Variants in COBLL1 observed in about 807,000 individuals in gnomAD.
The protein encoded by COBLL1 is cordon-bleu protein-like 1.
A neutral mutation model predicts 94.8 loss-of-function variants in COBLL1; 50 were observed. The observed-to-expected ratio is 0.53, with a 90% CI of 0.42 to 0.67. COBLL1 has a LOEUF of 0.67. Among genes scored for constraint, COBLL1 ranks in the 30% least tolerant of loss-of-function variants. The pLI is 0.00. For missense variants in COBLL1, 1,362 were observed against 1,348.7 expected, an observed-to-expected ratio of 1.01 and a Z score of -0.15; for synonymous variants, 448 against 473.8, an observed-to-expected ratio of 0.95 and a Z score of 0.71.
At chr2:164,702,575 A>AAAAAAAAAAAAAAT (rs1553469790) in intron 9 of COBLL1, among the ~76,000 whole-genome samples, 1 of 135,070 alleles carries the variant, frequency 7.4e-6, no homozygotes, top group Admixed American at 7.7e-5. Flanking sequence ...AAAAAAAAAA[A>AAAAAAAAAAAAAAT]AATAATAATA....
chr2:164,841,520 G>C lies in COBLL1; in HGVS notation c.-51+190C>G. Reference sequence around the variant, plus strand: ...ACTGGGTAGCCATTTGGCGCCTCTCGGAGGGAGAGGAGCCGCCGGGGCTGG... The same window carrying C: ...ACTGGGTAGCCATTTGGCGCCTCTCCGAGGGAGAGGAGCCGCCGGGGCTGG... On this transcript the variant is annotated intron_variant, in intron 1 of 13. Coordinates refer to ENST00000652658, the MANE Select transcript of COBLL1 (RefSeq NM_001365672.2). The surrounding 1 kb of genome is among the most constrained non-coding windows in gnomAD (Gnocchi z 5.5). 1 of 971,554 alleles carries C rather than the reference G, an allele frequency of 1.0e-6. No homozygotes were observed. The highest frequency in any genetic ancestry group is 1.3e-6 in the Non-Finnish European group (1 of 782,036). The allele number at this position is 971,554 out of a possible 1,614,324, so 60.2% of individuals were successfully genotyped here. A position where few individuals can be genotyped will look rare whatever the true frequency, so the allele number is the denominator to read the frequency against.
intron 4 of COBLL1, among the ~76,000 whole-genome samples, chr2:164,728,571 G>A (rs1363039085): frequency 6.6e-6 from 1 of 151,654 alleles, no homozygotes. Context: ...TACCCTTTGA[G>A]GAATATTTAT....
intron 5 of COBLL1, chr2:164,725,107 T>A (rs1454778507): frequency 1.1e-5 from 1 of 89,762 alleles, no homozygotes; most frequent in Non-Finnish European, 2.1e-5. Flanking sequence ...GCAGGATATA[T>A]ATATATATAT....
intron 7 of COBLL1, among the ~76,000 whole-genome samples, chr2:164,712,992 AT>A (rs1684980990): frequency 6.6e-6 from 1 of 152,136 alleles, no homozygotes; most frequent in Non-Finnish European, 1.5e-5. Context: ...GTATGAAAGC[AT>A]ACTTGCCAGT....
rs1683212962 is a variant in COBLL1, at chr2:164,685,064, A to G, written c.*882T>C. ...CTATTTTATCATTTTACTTGAATTA[A>G]AACCAGAATTTCTGGAACTTCCAAA... On this transcript the variant is annotated 3_prime_UTR_variant, in exon 14 of 14. Coordinates refer to ENST00000652658, the MANE Select transcript of COBLL1 (RefSeq NM_001365672.2). 1 of 152,282 alleles carries G rather than the reference A, an allele frequency of 6.6e-6. No individual in the cohort carries two copies. The highest frequency in any genetic ancestry group is 2.1e-4 in the South Asian group (1 of 4,826). 9.4% of individuals were successfully genotyped at this position (152,282 alleles called of 1,614,324 possible).
rs533698253 is a variant in COBLL1, at chr2:164,710,337, A to G, written c.997-5232T>C. 7.2e-5 allele frequency among the ~76,000 whole-genome samples: 11 copies of G among 152,310 alleles called. No homozygotes were observed. The South Asian group carries it at 1.9e-3, about 26-fold the overall frequency. ...CGATATTTCTAAATAGACTGTAGCC[A>G]GGAAAGCACATGTATACACTGGGAT... On this transcript the variant is annotated intron_variant, in intron 7 of 13. Coordinates refer to ENST00000652658, the MANE Select transcript of COBLL1 (RefSeq NM_001365672.2).
chr2:164,801,517 G>A (rs898758442), intron 2 of COBLL1, among the ~76,000 whole-genome samples: 17 of 150,128 alleles, frequency 1.1e-4, no homozygotes, highest in Non-Finnish European at 1.9e-4. Flanking sequence ...AGCTTCTTGG[G>A]AGGCTGAGGT....
At position 164,728,127 on chromosome 2, in the gene COBLL1, G is replaced by T; in HGVS notation, c.503C>A (p.Ser168Ter). 1 of 1,613,652 alleles carries T rather than the reference G, an allele frequency of 6.2e-7. No individual in the cohort carries two copies. Among genetic ancestry groups the T allele is most frequent in the Non-Finnish European group, 8.5e-7 (1 of 1,179,634 alleles). ...TATAATAGGGGCAAGCTCTTGAAGC[G>T]ATGCATGTGGACTCACTCTCACTAT... ...KTIVRVSPHA[S>*]LQELAPIICS... The change falls in exon 5 of 14, where the codon TCG becomes TAG. Residue 168 changes from serine (S) to a stop codon, truncating the protein, a stop_gained. Transcript: ENST00000652658. LOFTEE classifies it high-confidence loss of function.
chr2:164,797,710 C>T (rs964999489), intron 2 of COBLL1, among the ~76,000 whole-genome samples: 34 of 152,204 alleles, frequency 2.2e-4, no homozygotes, highest in Admixed American at 2.6e-4. Context: ...TTCTACAGTA[C>T]ATATTTCTTC....
intron 7 of COBLL1, among the ~76,000 whole-genome samples, chr2:164,717,924 T>C (rs940207657): frequency 1.3e-5 from 2 of 152,206 alleles, no homozygotes; most frequent in Admixed American, 6.5e-5. Context: ...ATGTACAGTA[T>C]AGTTTAGTTG....
chr2:164,664,776 G>A (rs143954109), intron 2 of COBLL1, among the ~76,000 whole-genome samples: 13 of 152,264 alleles, frequency 8.5e-5, no homozygotes, highest in Admixed American at 8.5e-4. Flanking sequence ...AATACAAGAT[G>A]AGAATAACGA....
chr2:164,772,893 G>T (rs1413654365), intron 2 of COBLL1, among the ~76,000 whole-genome samples: 1 of 152,076 alleles, frequency 6.6e-6, no homozygotes, highest in Non-Finnish European at 1.5e-5. Flanking sequence ...GCATTATTCA[G>T]TTAGTTTAGC....
chr2:164,733,322 T>TTA (rs1686122492), intron 3 of COBLL1, among the ~76,000 whole-genome samples: 2 of 131,836 alleles, frequency 1.5e-5, no homozygotes, highest in Non-Finnish European at 3.5e-5. Context: ...CCTCAGTCAT[T>TTA]TTATTTATCT....
At chr2:164,734,977 G>A (rs1467655934) in intron 3 of COBLL1, among the ~76,000 whole-genome samples, 1 of 152,146 alleles carries the variant, frequency 6.6e-6, no homozygotes, top group Non-Finnish European at 1.5e-5. Context: ...AAACTCTTGG[G>A]AGTTTACAAT....
intron 2 of COBLL1, among the ~76,000 whole-genome samples, chr2:164,662,854 A>T (rs879342051): frequency 3.9e-5 from 6 of 151,960 alleles, no homozygotes; most frequent in Non-Finnish European, 2.9e-5. Context: ...GCTCCCTGAG[A>T]CCTCCCCAGA....
intron 2 of COBLL1, among the ~76,000 whole-genome samples, chr2:164,802,380 A>T (rs355793): frequency 0.15 from 22,883 of 152,234 alleles, 1,908 homozygotes; most frequent in East Asian, 0.34. Context: ...GTAGGCTAAG[A>T]TTGAACAATT....
chr2:164,762,588 C>T (rs1687736071), intron 2 of COBLL1, among the ~76,000 whole-genome samples: 2 of 152,114 alleles, frequency 1.3e-5, no homozygotes, highest in South Asian at 2.1e-4. Context: ...AACAAACTAG[C>T]TAGCCTGGTA....
chr2:164,784,585 G>T (rs991901526), intron 2 of COBLL1, among the ~76,000 whole-genome samples: 7 of 151,994 alleles, frequency 4.6e-5, no homozygotes, highest in African/African-American at 1.7e-4. Flanking sequence ...GCTCTAATGT[G>T]AATTTCCCTA....
At chr2:164,686,701 T>G (rs569463921) in intron 13 of COBLL1, among the ~76,000 whole-genome samples, 29 of 152,288 alleles carry the variant, frequency 1.9e-4, no homozygotes, top group African/African-American at 6.7e-4. Flanking sequence ...AACAAGAATT[T>G]TCTACATAGT....
Sources: gnomAD v4.1 joint callset for allele counts (sites outside exome capture counted in the v4.1 genomes callset) on GRCh38, gnomAD v4.1.1 for gene constraint, Gnocchi (gnomAD v3.1) non-coding constraint, MANE v1.5 for transcripts, NCBI Gene and HGNC (gene_info 2026-07-23, HGNC 2026-07-21) for gene names.